DDX10: variants seen among roughly 807,000 people sequenced by gnomAD.
DDX10 encodes the protein DEAD-box helicase 10, also known as probable ATP-dependent RNA helicase DDX10.
Under a neutral mutation model 104.3 loss-of-function variants are expected in DDX10, and 74 were observed. The observed-to-expected ratio is 0.71, with a 90% CI of 0.59 to 0.86. DDX10 has a LOEUF of 0.86. Ranked by LOEUF, DDX10 falls within the 40% of genes least tolerant of loss-of-function variation. The pLI is 0.00. For missense variants in DDX10, 952 were observed against 1,040.0 expected (o/e 0.92, Z 1.16); for synonymous variants, 351 against 353.4 (o/e 0.99, Z 0.08).
chr11:108,847,367 GATA>G (rs569654556), intron 15 of DDX10, among the ~76,000 whole-genome samples: 49 of 152,292 alleles, frequency 3.2e-4, no homozygotes, highest in Admixed American at 2.7e-3. Context: ...TACTGAAGGT[GATA>G]ATATTTGCTA....
chr11:108,854,492 TC>T (rs369334755), intron 16 of DDX10, among the ~76,000 whole-genome samples: 109 of 152,330 alleles, frequency 7.2e-4, no homozygotes, highest in African/African-American at 2.5e-3. Flanking sequence ...TTCCCTTTGA[TC>T]CCTGAACCTA....
intron 13 of DDX10, among the ~76,000 whole-genome samples, chr11:108,764,901 A>G (rs1281164543): frequency 6.6e-6 from 1 of 152,230 alleles, no homozygotes; most frequent in East Asian, 1.9e-4. Context: ...ATTATGGCAT[A>G]AAATTAAAAC....
At chr11:108,906,723 G>A (rs930587164) in intron 16 of DDX10, among the ~76,000 whole-genome samples, 4 of 152,126 alleles carry the variant, frequency 2.6e-5, no homozygotes, top group Middle Eastern at 3.2e-3. Flanking sequence ...AAATAAAGAT[G>A]ATCAATAAGA....
At chr11:108,743,450 C>G (rs1357185299) in intron 13 of DDX10, among the ~76,000 whole-genome samples, 1 of 152,138 alleles carries the variant, frequency 6.6e-6, no homozygotes, top group African/African-American at 2.4e-5. Flanking sequence ...GGACACATTC[C>G]CCTTAAACTG....
chr11:108,813,157 A>G (rs1313797027), intron 13 of DDX10, among the ~76,000 whole-genome samples: 1 of 152,144 alleles, frequency 6.6e-6, no homozygotes, highest in East Asian at 1.9e-4. Flanking sequence ...AAATACCTAT[A>G]GAATAAATTC....
At chr11:108,717,925 G>C (rs925776659) in intron 11 of DDX10, among the ~76,000 whole-genome samples, 1 of 152,176 alleles carries the variant, frequency 6.6e-6, no homozygotes, top group African/African-American at 2.4e-5. Context: ...TTGGGAGGCT[G>C]AGGTGGGTGG....
intron 16 of DDX10, among the ~76,000 whole-genome samples, chr11:108,871,967 C>T (rs1238268454): frequency 2.6e-5 from 4 of 152,160 alleles, no homozygotes; most frequent in Non-Finnish European, 5.9e-5. Flanking sequence ...TGAATGCCTC[C>T]ACCTTGTTTA....
intron 13 of DDX10, among the ~76,000 whole-genome samples, chr11:108,747,423 A>G (rs1211595272): frequency 6.6e-6 from 1 of 152,156 alleles, no homozygotes; most frequent in Non-Finnish European, 1.5e-5. Context: ...CACTTTTAGC[A>G]TGGGATGGAA....
At chr11:108,819,127 C>A (rs1013814621) in intron 13 of DDX10, among the ~76,000 whole-genome samples, 1 of 152,006 alleles carries the variant, frequency 6.6e-6, no homozygotes, top group African/African-American at 2.4e-5. Context: ...GCCTTTTTTT[C>A]ATCACTGTAA....
At chr11:108,885,870 T>C (rs541179556) in intron 16 of DDX10, among the ~76,000 whole-genome samples, 62 of 152,282 alleles carry the variant, frequency 4.1e-4, no homozygotes, top group African/African-American at 1.4e-3. Flanking sequence ...TTAAGAATAA[T>C]CAGGCAATTC....
At chr11:108,864,529 G>T (rs1317801322) in intron 16 of DDX10, among the ~76,000 whole-genome samples, 1 of 151,952 alleles carries the variant, frequency 6.6e-6, no homozygotes, top group Non-Finnish European at 1.5e-5. Flanking sequence ...CTGGAGTACA[G>T]TGGCGTGATC....
At chr11:108,845,032 TA>T (rs748479170) in intron 15 of DDX10, among the ~76,000 whole-genome samples, 1 of 151,568 alleles carries the variant, frequency 6.6e-6, no homozygotes, top group Admixed American at 6.6e-5. Context: ...CCATCTCTAC[TA>T]AAAAAATACA....
intron 15 of DDX10, among the ~76,000 whole-genome samples, chr11:108,842,922 CCCTTCCTTG>C (rs1862660991): frequency 6.6e-6 from 1 of 152,206 alleles, no homozygotes; most frequent in Non-Finnish European, 1.5e-5. Context: ...CACCCTCTTC[CCCTTCCTTG>C]CCATCTCTTT....
chr11:108,820,342 G>A (rs1055697653), intron 13 of DDX10, among the ~76,000 whole-genome samples: 2 of 152,174 alleles, frequency 1.3e-5, no homozygotes, highest in African/African-American at 2.4e-5. Flanking sequence ...AATACACTTT[G>A]TTGGGAAAAG....
chr11:108,727,418 G>C (rs969157505), intron 13 of DDX10, among the ~76,000 whole-genome samples: 1 of 152,080 alleles, frequency 6.6e-6, no homozygotes, highest in South Asian at 2.1e-4. Flanking sequence ...AAACAGTAAA[G>C]TTATTGTCTC....
At chr11:108,731,168 A>G (rs2094311770) in intron 13 of DDX10, among the ~76,000 whole-genome samples, 1 of 151,476 alleles carries the variant, frequency 6.6e-6, no homozygotes, top group Admixed American at 6.6e-5. Flanking sequence ...ATCCTGCCTC[A>G]GCCTCCCGAG....
intron 13 of DDX10, among the ~76,000 whole-genome samples, chr11:108,802,254 A>G (rs1164204100): frequency 6.6e-6 from 1 of 152,162 alleles, no homozygotes; most frequent in Non-Finnish European, 1.5e-5. Context: ...CAAAAATCTG[A>G]AATCTGAAAT....
chr11:108,902,441 G>A (rs567018224), intron 16 of DDX10, among the ~76,000 whole-genome samples: 7 of 152,124 alleles, frequency 4.6e-5, no homozygotes, highest in Non-Finnish European at 7.4e-5. Flanking sequence ...GGAGTCAAAC[G>A]TACTGGGATT....
chr11:108,768,868 A>G (rs1388932573), intron 13 of DDX10, among the ~76,000 whole-genome samples: 1 of 151,980 alleles, frequency 6.6e-6, no homozygotes, highest in Admixed American at 6.6e-5. Context: ...TAAAAATACC[A>G]TATTTTAGTA....
Sources: gnomAD v4.1 joint callset for allele counts (sites outside exome capture counted in the v4.1 genomes callset) on GRCh38, gnomAD v4.1.1 for gene constraint, MANE v1.5 for transcripts, NCBI Gene and HGNC (gene_info 2026-07-23, HGNC 2026-07-21) for gene names.